Variants in RBL1 observed in about 807,000 individuals in gnomAD.
RBL1 encodes retinoblastoma-like protein 1.
RBL1 carries 82 observed loss-of-function variants against 123.0 expected under a neutral mutation model. The observed-to-expected ratio is 0.67, with a 90% CI of 0.56 to 0.80. The LOEUF (loss-of-function observed/expected upper bound fraction) is 0.80. Among genes scored for constraint, RBL1 ranks in the 30% least tolerant of loss-of-function variants. The probability of loss-of-function intolerance (pLI) is 0.00; values close to 1 mark genes in which losing one functional copy is unlikely to be tolerated. For missense variants in RBL1, 1,171 were observed against 1,299.6 expected, an observed-to-expected ratio of 0.90 and a Z score of 1.52; for synonymous variants, 405 against 441.3, an observed-to-expected ratio of 0.92 and a Z score of 1.03.
chr20:37,059,131 A>G (rs1251354579), intron 9 of RBL1, among the ~76,000 whole-genome samples: 2 of 152,112 alleles, frequency 1.3e-5, no homozygotes, highest in Non-Finnish European at 2.9e-5. Flanking sequence ...CTGCTTTTCA[A>G]CTTATTCATG....
rs552248891 is a variant in RBL1 at position 37,058,684 on chromosome 20, T to TA, written c.1250+2418dup. On this transcript the variant is annotated intron_variant, in intron 9 of 21. Coordinates refer to ENST00000373664, the MANE Select transcript of RBL1 (RefSeq NM_002895.5). ...CCTCTCAAAGTCCTGGGATTACAGA[T>TA]ATGTGCCATTGCACCTGGCCTCTAA... Among the ~76,000 whole-genome samples the TA allele has an allele frequency of 5.1e-4, 78 of 151,968 alleles. No individual in the cohort carries two copies. The East Asian group carries it at 6.4e-3, about 12-fold the overall frequency.
At chr20:37,083,572 G>T (rs1421266276) in intron 2 of RBL1, among the ~76,000 whole-genome samples, 1 of 136,602 alleles carries the variant, frequency 7.3e-6, no homozygotes, top group East Asian at 2.4e-4. Flanking sequence ...GGATCACAAG[G>T]TTAGGAGTTC....
chr20:37,002,336 GTTTTTTTTTTTTTTTTT>G (rs965408801), intron 21 of RBL1, among the ~76,000 whole-genome samples: 1 of 76,324 alleles, frequency 1.3e-5, no homozygotes, highest in African/African-American at 4.4e-5. Context: ...AGCCTTATCT[GTTTTTTTTTTTTTTTTT>G]TTTTTTTGAG....
At chr20:37,054,335 A>T (rs1362058653) in intron 11 of RBL1, among the ~76,000 whole-genome samples, 11 of 151,826 alleles carry the variant, frequency 7.2e-5, no homozygotes, top group Admixed American at 7.2e-4. Flanking sequence ...ATACGAAAAA[A>T]TTAGCTGGGT....
chr20:37,068,601 T>C (rs2065222462), intron 2 of RBL1, among the ~76,000 whole-genome samples: 1 of 152,174 alleles, frequency 6.6e-6, no homozygotes, highest in South Asian at 2.1e-4. Context: ...GGTTATTAAT[T>C]AGTGGTCATC....
At chr20:37,031,309 T>C (rs973590946) in intron 16 of RBL1, among the ~76,000 whole-genome samples, 1 of 152,176 alleles carries the variant, frequency 6.6e-6, no homozygotes, top group African/African-American at 2.4e-5. Context: ...AGGAGATTAA[T>C]ATCTAGAATA....
At chr20:37,019,740 C>CTAAG (rs1428032049) in intron 18 of RBL1, among the ~76,000 whole-genome samples, 2 of 152,148 alleles carry the variant, frequency 1.3e-5, no homozygotes, top group African/African-American at 4.8e-5. Flanking sequence ...ATTATGCTTC[C>CTAAG]TAAGAGCAGA....
chr20:37,033,160 A>G (rs1413005816), intron 15 of RBL1, among the ~76,000 whole-genome samples: 1 of 149,724 alleles, frequency 6.7e-6, no homozygotes, highest in Non-Finnish European at 1.5e-5. Flanking sequence ...CTGAGACTAC[A>G]GGTGCAAGCC....
intron 19 of RBL1, among the ~76,000 whole-genome samples, chr20:37,013,451 C>CGGAAG (rs1170856548): frequency 6.6e-6 from 1 of 151,554 alleles, no homozygotes; most frequent in African/African-American, 2.4e-5. Flanking sequence ...ACAAACACTG[C>CGGAAG]GGAAGGCCGC....
chr20:37,033,940 T>C (rs1244312453), intron 15 of RBL1, among the ~76,000 whole-genome samples: 1 of 145,184 alleles, frequency 6.9e-6, no homozygotes, highest in Non-Finnish European at 1.5e-5. Flanking sequence ...CTTTTTTTTT[T>C]CTTTTTCTTT....
At chr20:37,046,796 A>T (rs1366537972) in intron 12 of RBL1, among the ~76,000 whole-genome samples, 1 of 151,842 alleles carries the variant, frequency 6.6e-6, no homozygotes, top group Non-Finnish European at 1.5e-5. Context: ...TATTTTTAGT[A>T]GAGACGGAGT....
intron 14 of RBL1, among the ~76,000 whole-genome samples, chr20:37,037,774 C>G (rs1041839086): frequency 4.6e-5 from 7 of 151,538 alleles, no homozygotes; most frequent in Admixed American, 2.0e-4. Flanking sequence ...CTCCTGGGTT[C>G]AAGCAATTCT....
chr20:37,046,801 C>T (rs978335705), intron 12 of RBL1, among the ~76,000 whole-genome samples: 2 of 151,700 alleles, frequency 1.3e-5, no homozygotes, highest in Admixed American at 6.6e-5. Context: ...TTAGTAGAGA[C>T]GGAGTTTCAC....
intron 2 of RBL1, among the ~76,000 whole-genome samples, chr20:37,069,750 G>C (rs1269292642): frequency 6.6e-6 from 1 of 151,806 alleles, no homozygotes; most frequent in Non-Finnish European, 1.5e-5. Flanking sequence ...GGGAGGTGGG[G>C]GGGGTCAGCC....
Position 37,089,057 on chromosome 20 carries a change from C to A in RBL1, c.222G>T (p.Thr74=). 6.2e-7 allele frequency: 1 copy of A among 1,612,102 alleles called. No homozygotes were observed. Among genetic ancestry groups the A allele is most frequent in the Non-Finnish European group, 8.5e-7 (1 of 1,178,916 alleles). Residue 74 remains threonine, a synonymous_variant, in exon 2 of 22, where the codon ACG becomes ACT. Transcript: ENST00000373664. ...YVACRKSIIP[T]VGKGIMEGNC... is the part of the protein sequence containing the mutation. ...TGCCTTCCATGATACCCTTTCCAAC[C>A]GTGGGAATAATGCTTTTGCGGCATG...
intron 14 of RBL1, among the ~76,000 whole-genome samples, chr20:37,037,059 A>C (rs2064627476): frequency 6.6e-6 from 1 of 152,240 alleles, no homozygotes; most frequent in Admixed American, 6.5e-5. Context: ...TCTTGGGCTT[A>C]TGAAAGCAGC....
At chr20:37,095,020 T>C (rs1243764365) in intron 1 of RBL1, among the ~76,000 whole-genome samples, 1 of 152,192 alleles carries the variant, frequency 6.6e-6, no homozygotes, top group Non-Finnish European at 1.5e-5. Context: ...CTAATACTCA[T>C]TGCCATGCCA....
At chr20:37,059,684 T>G (rs2065063830) in intron 9 of RBL1, among the ~76,000 whole-genome samples, 1 of 152,190 alleles carries the variant, frequency 6.6e-6, no homozygotes, top group Non-Finnish European at 1.5e-5. Flanking sequence ...TTCTTTTTGA[T>G]CTCTACTTTG....
chr20:37,086,449 G>A (rs191239402), intron 2 of RBL1, among the ~76,000 whole-genome samples: 70 of 152,182 alleles, frequency 4.6e-4, no homozygotes, highest in African/African-American at 1.5e-3. Flanking sequence ...TTAGCCAGGC[G>A]TGGTGGCGGG....
Sources: allele counts gnomAD v4.1 joint callset (sites outside exome capture counted in the v4.1 genomes callset), GRCh38; gene constraint gnomAD v4.1.1; transcripts MANE v1.5; gene names NCBI Gene and HGNC (gene_info 2026-07-23, HGNC 2026-07-21).